VSTM4: variants seen among roughly 807,000 people sequenced by gnomAD.
VSTM4 encodes the protein V-set and transmembrane domain containing 4, also known as V-set and transmembrane domain-containing protein 4.
Under a neutral mutation model 36.4 loss-of-function variants are expected in VSTM4, and 20 were observed. The ratio of observed to expected loss-of-function variants is 0.55; its 90% CI spans 0.39 to 0.80. The LOEUF is 0.80. VSTM4 is among the 30% of genes least tolerant of loss of function. VSTM4 has a pLI of 0.00. For missense variants in VSTM4, 392 were observed against 404.5 expected (o/e 0.97, Z 0.26); for synonymous variants, 182 against 173.9 (o/e 1.05, Z -0.37).
At chr10:49,093,525 T>A (rs1844515787) in intron 2 of VSTM4, among the ~76,000 whole-genome samples, 1 of 151,934 alleles carries the variant, frequency 6.6e-6, no homozygotes, top group South Asian at 2.1e-4. Flanking sequence ...TCCCAAGGAG[T>A]CAACTGCCTG....
At position 49,107,879 on chromosome 10, in the gene VSTM4, G is replaced by A. The variant is rs2132027542; in HGVS notation, c.172C>T (p.Leu58=). Residue 58 remains leucine (L), a synonymous_variant, in exon 2 of 8, where the codon CTG becomes TTG. Coordinates refer to ENST00000332853, the MANE Select transcript of VSTM4 (RefSeq NM_001031746.5). The part of the protein sequence containing the change: ...VSQKRRKDSL[L]AVRWFFAHSF... ...TGTGCAAAGAACCAGCGCACGGCCA[G>A]CAAGCTGTCCTTCCGCCTTTTCTGG... 1 of 1,614,226 alleles carries A rather than the reference G, an allele frequency of 6.2e-7. No homozygotes were observed. The highest frequency in any genetic ancestry group is 1.1e-5 in the South Asian group (1 of 91,084).
chr10:49,054,725 A>C (rs1843749604), intron 5 of VSTM4, among the ~76,000 whole-genome samples: 1 of 152,210 alleles, frequency 6.6e-6, no homozygotes, highest in Non-Finnish European at 1.5e-5. Context: ...CTCTGCTTTC[A>C]AAACTAAATG....
At chr10:49,060,764 C>A (rs988359275) in intron 5 of VSTM4, among the ~76,000 whole-genome samples, 2 of 152,146 alleles carry the variant, frequency 1.3e-5, no homozygotes, top group Non-Finnish European at 2.9e-5. Flanking sequence ...CAAAGATTTT[C>A]TCCTGTTCTC....
At chr10:49,043,858 C>T (rs1044395760) in intron 7 of VSTM4, among the ~76,000 whole-genome samples, 1 of 152,204 alleles carries the variant, frequency 6.6e-6, no homozygotes, top group Non-Finnish European at 1.5e-5. Flanking sequence ...TGGCTTTATG[C>T]TTTTAAATTG....
In VSTM4 at chr10:49,048,053, A is replaced by G. The variant is rs1457345635; in HGVS notation, c.775+425T>C. Among the ~76,000 whole-genome samples, 4 of 152,236 alleles carry G rather than the reference A, an allele frequency of 2.6e-5. No homozygotes were observed. The East Asian group carries it at 7.7e-4, about 29-fold the overall frequency. Reference sequence around the variant, plus strand: ...ATTTTATACCCAGAGCAACTGTGAAATAAATTTCACACCTGGTTGACATCT... The same window carrying G: ...ATTTTATACCCAGAGCAACTGTGAAGTAAATTTCACACCTGGTTGACATCT... On this transcript the variant is annotated intron_variant, in intron 6 of 7. Transcript: ENST00000332853.
chr10:49,048,908 A>G (rs1843656138), intron 5 of VSTM4, among the ~76,000 whole-genome samples: 3 of 152,198 alleles, frequency 2.0e-5, no homozygotes, highest in Admixed American at 2.0e-4. Flanking sequence ...GCATGGGTTG[A>G]TGGTTGACAC....
At chr10:49,070,958 G>A (rs1211833715) in intron 4 of VSTM4, among the ~76,000 whole-genome samples, 2 of 152,208 alleles carry the variant, frequency 1.3e-5, no homozygotes, top group Non-Finnish European at 2.9e-5. Context: ...CTCCCCACCC[G>A]AGTCTGGCTG....
chr10:49,086,839 T>G (rs190902038), intron 2 of VSTM4, among the ~76,000 whole-genome samples: 1 of 152,188 alleles, frequency 6.6e-6, no homozygotes, highest in African/African-American at 2.4e-5. Flanking sequence ...TCTTACCAAA[T>G]AACTGAATTT....
chr10:49,109,128 C>T (rs1352787108), intron 1 of VSTM4, among the ~76,000 whole-genome samples: 1 of 152,202 alleles, frequency 6.6e-6, no homozygotes, highest in African/African-American at 2.4e-5. Context: ...CGCCTCCACC[C>T]CCCCACACAA....
intron 1 of VSTM4, among the ~76,000 whole-genome samples, chr10:49,114,587 T>TTG (rs1554837414): frequency 3.5e-5 from 5 of 144,752 alleles, no homozygotes; most frequent in South Asian, 2.5e-4. Context: ...AAGTTCATGT[T>TTG]TTTTTTTTTT....
intron 5 of VSTM4, 167 bp downstream of exon 5, chr10:49,064,536 C>A (rs577858991): frequency 1.4e-5 from 11 of 781,718 alleles, no homozygotes; most frequent in Non-Finnish European, 1.6e-5. Context: ...AGACTGTAGA[C>A]CTTGGAAACA....
chr10:49,039,667 T>C (rs751250542), intron 7 of VSTM4, among the ~76,000 whole-genome samples: 2 of 152,070 alleles, frequency 1.3e-5, no homozygotes, highest in African/African-American at 2.4e-5. Context: ...GAGGAGGGCA[T>C]GGTTGATGAC....
At chr10:49,092,214 G>A (rs1254703261) in intron 2 of VSTM4, among the ~76,000 whole-genome samples, 1 of 152,190 alleles carries the variant, frequency 6.6e-6, no homozygotes, top group East Asian at 1.9e-4. Flanking sequence ...AGACTCCCAG[G>A]CATTGCCCCT....
intron 3 of VSTM4, among the ~76,000 whole-genome samples, chr10:49,085,511 A>G (rs532863784): frequency 6.6e-6 from 1 of 152,348 alleles, no homozygotes; most frequent in Admixed American, 6.5e-5. Flanking sequence ...TTCGTCCCTA[A>G]TATCACCTGG....
chr10:49,101,033 G>C (rs1844656468), intron 2 of VSTM4, among the ~76,000 whole-genome samples: 1 of 151,936 alleles, frequency 6.6e-6, no homozygotes, highest in Non-Finnish European at 1.5e-5. Flanking sequence ...ATTCCAAAGA[G>C]ATAAAGGAGT....
In VSTM4 at chr10:49,016,376, G is replaced by A. The variant is rs1257315962; in HGVS notation, c.*3274C>T. On this transcript the variant is annotated 3_prime_UTR_variant, in exon 8 of 8. Transcript: ENST00000332853. ...CTTCCAAGGCTTCTCCACTAGGCAG[G>A]AGATGTGGCAACAGATAGATATGTG... The A allele has an allele frequency of 6.6e-6, 1 of 152,192 alleles. No individual in the cohort carries two copies. The highest frequency in any genetic ancestry group is 2.4e-5 in the African/African-American group (1 of 41,446). The allele number at this position is 152,192 out of a possible 1,614,324, so 9.4% of individuals were successfully genotyped here.
chr10:49,050,959 C>T (rs567219837), intron 5 of VSTM4, among the ~76,000 whole-genome samples: 1 of 152,124 alleles, frequency 6.6e-6, no homozygotes, highest in East Asian at 1.9e-4. Flanking sequence ...TCCCTTATAG[C>T]CCCCACCTCC....
intron 4 of VSTM4, among the ~76,000 whole-genome samples, chr10:49,073,101 A>G (rs1844111090): frequency 1.3e-5 from 2 of 152,198 alleles, no homozygotes; most frequent in South Asian, 4.1e-4. Context: ...CTGTCCTATC[A>G]TATCATTTTT....
chr10:49,026,422 CA>C (rs1444290911), intron 7 of VSTM4, among the ~76,000 whole-genome samples: 3 of 152,170 alleles, frequency 2.0e-5, no homozygotes, highest in Non-Finnish European at 4.4e-5. Flanking sequence ...CTAAAGGTGC[CA>C]TATAGATGGG....
Sources: allele counts gnomAD v4.1 joint callset (sites outside exome capture counted in the v4.1 genomes callset), GRCh38; gene constraint gnomAD v4.1.1; transcripts MANE v1.5; gene names NCBI Gene and HGNC (gene_info 2026-07-23, HGNC 2026-07-21).